The following GLCE variants were observed in gnomAD, a reference collection of about 807,000 sequenced individuals.
The protein encoded by GLCE is D-glucuronyl C5-epimerase.
A neutral mutation model predicts 47.9 loss-of-function variants in GLCE; 19 were observed. The ratio of observed to expected loss-of-function variants is 0.40; its 90% CI spans 0.28 to 0.58. GLCE has a LOEUF of 0.58. Ranked by LOEUF, GLCE falls within the 20% of genes least tolerant of loss-of-function variation. The pLI is 0.48. For synonymous variants in GLCE, 245 were observed against 263.4 expected (o/e 0.93, Z 0.68); for missense variants, 556 against 743.3 (o/e 0.75, Z 2.93).
intron 1 of GLCE, among the ~76,000 whole-genome samples, chr15:69,184,146 G>C (rs2051789438): frequency 6.6e-6 from 1 of 152,122 alleles, no homozygotes; most frequent in Non-Finnish European, 1.5e-5. Flanking sequence ...TAACATCCAG[G>C]AATTTTTCAT....
chr15:69,235,093 C>CTTTTTTTTTT lies in GLCE; in HGVS notation c.-13-20678_-13-20669dup, dbSNP rs869212730. Among the ~76,000 whole-genome samples, 9 of 62,884 alleles carry CTTTTTTTTTT rather than the reference C, an allele frequency of 1.4e-4. 2 individuals carry two copies. Among genetic ancestry groups the CTTTTTTTTTT allele is most frequent in the African/African-American group, 6.7e-4 (9 of 13,350 alleles). 41.3% of individuals were successfully genotyped at this position (62,884 alleles called of 152,430 possible). A position where few individuals can be genotyped will look rare whatever the true frequency, so the allele number is the denominator to read the frequency against. On this transcript the variant is annotated intron_variant, in intron 2 of 4. Transcript: ENST00000261858. ...CTGATACAGATAGATGAAGATTATT[C>CTTTTTTTTTT]TTTTTTTTTTTTTTTTTTTTTTTTT...
chr15:69,231,756 T>G (rs1418980181), intron 2 of GLCE, among the ~76,000 whole-genome samples: 1 of 152,160 alleles, frequency 6.6e-6, no homozygotes, highest in African/African-American at 2.4e-5. Context: ...ATTTAGGATA[T>G]ACATGTGATT....
At chr15:69,187,266 A>G (rs1245709538) in intron 1 of GLCE, among the ~76,000 whole-genome samples, 1 of 152,132 alleles carries the variant, frequency 6.6e-6, no homozygotes, top group Non-Finnish European at 1.5e-5. Context: ...TTCTAAATGA[A>G]AAGACTTATC....
At chr15:69,194,014 G>T (rs1368795017) in intron 1 of GLCE, among the ~76,000 whole-genome samples, 2 of 152,066 alleles carry the variant, frequency 1.3e-5, no homozygotes, top group Non-Finnish European at 2.9e-5. Context: ...AATGAGAGAA[G>T]AAAAGAAAAG....
rs1359369624 is a variant in GLCE, at chr15:69,172,033, C to G, written c.-105+11276C>G. Among the ~76,000 whole-genome samples the G allele has an allele frequency of 2.6e-5, 4 of 152,226 alleles. No individual in the cohort carries two copies. In the East Asian group the frequency reaches 7.7e-4, roughly 29 times the overall value. On this transcript the variant is annotated intron_variant, in intron 1 of 4. Coordinates refer to ENST00000261858, the MANE Select transcript of GLCE (RefSeq NM_015554.3). Reference sequence around the variant, plus strand: ...GATAGTCCAGAAGATTTCCATGTGCCATATACCCTTCACTCAGCTTTCTCT... The same window carrying G: ...GATAGTCCAGAAGATTTCCATGTGCGATATACCCTTCACTCAGCTTTCTCT...
In GLCE at chr15:69,256,241, G is replaced by A; in HGVS notation, c.435G>A (p.Gln145=). 1.2e-6 allele frequency: 2 copies of A among 1,614,124 alleles called. No individual in the cohort carries two copies. Among genetic ancestry groups the A allele is most frequent in the Non-Finnish European group, 1.7e-6 (2 of 1,179,982 alleles). Residue 145 remains glutamine, a synonymous_variant, in exon 3 of 5, where the codon CAG becomes CAA. Coordinates refer to ENST00000261858, the MANE Select transcript of GLCE (RefSeq NM_015554.3). The part of the protein sequence containing the change: ...KYFDVYGKVV[Q]YDGYDRFEFS... The stretch of plus-strand genomic sequence containing the variant: ...TTGATGTTTATGGAAAGGTGGTTCA[G>A]TATGATGGCTATGATCGGTTTGAAT...
intron 3 of GLCE, among the ~76,000 whole-genome samples, chr15:69,258,007 A>T (rs535243656): frequency 3.3e-5 from 5 of 151,738 alleles, no homozygotes; most frequent in Admixed American, 2.0e-4. Flanking sequence ...TTTTATTTTT[A>T]ATTTTTAAGT....
chr15:69,228,243 G>A (rs913112003), intron 2 of GLCE, among the ~76,000 whole-genome samples: 1 of 152,142 alleles, frequency 6.6e-6, no homozygotes, highest in East Asian at 1.9e-4. Flanking sequence ...GTGACAGAAA[G>A]GGTAAATATA....
chr15:69,206,306 G>C (rs528904050), intron 1 of GLCE, among the ~76,000 whole-genome samples: 5 of 152,152 alleles, frequency 3.3e-5, no homozygotes, highest in African/African-American at 1.2e-4. Context: ...CAAAGTGCAT[G>C]ATGACAGCAT....
At chr15:69,165,154 A>C (rs556587729) in intron 1 of GLCE, among the ~76,000 whole-genome samples, 1 of 152,208 alleles carries the variant, frequency 6.6e-6, no homozygotes, top group East Asian at 1.9e-4. Flanking sequence ...TGCCATAGTG[A>C]TTTACTGCAC....
chr15:69,182,749 CAT>C (rs1487333182), intron 1 of GLCE, among the ~76,000 whole-genome samples: 6 of 152,264 alleles, frequency 3.9e-5, no homozygotes, highest in East Asian at 1.9e-4. Context: ...CATCATGCCT[CAT>C]GTGTGTAATC....
chr15:69,217,164 T>C (rs569200244), intron 2 of GLCE, among the ~76,000 whole-genome samples: 1 of 152,018 alleles, frequency 6.6e-6, no homozygotes, highest in South Asian at 2.1e-4. Flanking sequence ...ATAAAACTTA[T>C]AAAACATATA....
At chr15:69,176,240 T>TTTTTTG (rs1555402898) in intron 1 of GLCE, among the ~76,000 whole-genome samples, 1 of 146,308 alleles carries the variant, frequency 6.8e-6, no homozygotes, top group Non-Finnish European at 1.5e-5. Flanking sequence ...TTTTTTTTTT[T>TTTTTTG]GAGACAGGGT....
intron 1 of GLCE, among the ~76,000 whole-genome samples, chr15:69,204,544 C>A (rs2052123594): frequency 6.6e-6 from 1 of 152,038 alleles, no homozygotes; most frequent in African/African-American, 2.4e-5. Context: ...CTTGGCCTCC[C>A]AAAGTCCTGG....
chr15:69,212,306 CT>C (rs1021378376), intron 2 of GLCE, among the ~76,000 whole-genome samples: 3 of 151,830 alleles, frequency 2.0e-5, no homozygotes, highest in Non-Finnish European at 4.4e-5. Flanking sequence ...CTTAAGACAT[CT>C]TTTTTTAATT....
intron 2 of GLCE, among the ~76,000 whole-genome samples, chr15:69,247,645 C>G (rs897976094): frequency 1.3e-5 from 2 of 152,280 alleles, no homozygotes; most frequent in Admixed American, 6.5e-5. Flanking sequence ...TTAATCATTT[C>G]TAGCTTTTGT....
At chr15:69,229,183 C>T (rs1442578031) in intron 2 of GLCE, among the ~76,000 whole-genome samples, 1 of 152,160 alleles carries the variant, frequency 6.6e-6, no homozygotes, top group Non-Finnish European at 1.5e-5. Context: ...AAGGTCCATA[C>T]ACTGGAAAGA....
Position 69,199,729 on chromosome 15 carries a change from C to G in GLCE, c.-104-10587C>G, listed in dbSNP as rs575743993. 2.0e-5 allele frequency among the ~76,000 whole-genome samples: 3 copies of G among 152,260 alleles called. No homozygotes were observed. In the East Asian group the frequency reaches 5.8e-4, roughly 29 times the overall value. The stretch of plus-strand genomic sequence containing the variant: ...TCAGTGCACTGTACCATGCCTTAAA[C>G]CATACTGGAGCCACTTGGGGAGTTT... On this transcript the variant is annotated intron_variant, in intron 1 of 4. Coordinates refer to ENST00000261858, the MANE Select transcript of GLCE (RefSeq NM_015554.3).
chr15:69,232,655 C>T (rs1352187367), intron 2 of GLCE, among the ~76,000 whole-genome samples: 1 of 152,104 alleles, frequency 6.6e-6, no homozygotes, highest in Non-Finnish European at 1.5e-5. Flanking sequence ...CCTAAACTAG[C>T]TGCGGCTTCT....
Sources: allele counts gnomAD v4.1 joint callset (sites outside exome capture counted in the v4.1 genomes callset), GRCh38; gene constraint gnomAD v4.1.1; transcripts MANE v1.5; gene names NCBI Gene and HGNC (gene_info 2026-07-23, HGNC 2026-07-21).